The following RIMS2 variants were observed in gnomAD, a reference collection of about 807,000 sequenced individuals.
RIMS2 encodes regulating synaptic membrane exocytosis protein 2.
Under a neutral mutation model 174.4 loss-of-function variants are expected in RIMS2, and 59 were observed. The ratio of observed to expected loss-of-function variants is 0.34; its 90% CI spans 0.27 to 0.42. RIMS2 has a LOEUF of 0.42. Among genes scored for constraint, RIMS2 ranks in the 10% least tolerant of loss-of-function variants. The probability of loss-of-function intolerance (pLI) is 1.00; values close to 1 mark genes in which losing one functional copy is unlikely to be tolerated. For synonymous variants in RIMS2, 606 were observed against 572.5 expected, an observed-to-expected ratio of 1.06 and a Z score of -0.84; for missense variants, 1,620 against 1,666.3, an observed-to-expected ratio of 0.97 and a Z score of 0.48.
intron 12 of RIMS2, among the ~76,000 whole-genome samples, chr8:103,936,079 TATC>T (rs2081184444): frequency 6.6e-6 from 1 of 152,176 alleles, no homozygotes; most frequent in African/African-American, 2.4e-5. Flanking sequence ...AAAAATAAAT[TATC>T]ATTGGTCATT....
chr8:104,067,312 G>C (rs1362206491), intron 19 of RIMS2, among the ~76,000 whole-genome samples: 1 of 152,098 alleles, frequency 6.6e-6, no homozygotes, highest in African/African-American at 2.4e-5. Context: ...TTCCCAGTAT[G>C]TAGATTTGTA....
At position 103,937,055 on chromosome 8, in the gene RIMS2, G is replaced by A. The variant is rs573209606; in HGVS notation, c.2547+333G>A. On this transcript the variant is annotated intron_variant, in intron 13 of 23. Coordinates refer to ENST00000504942, the Ensembl canonical transcript of RIMS2. ...AGAGGTTGCAGTGAGCCGAGATCGCGCCACTGCACTCCAGTCTGGGTGACA... is the reference window on the plus strand; with the variant it reads ...AGAGGTTGCAGTGAGCCGAGATCGCACCACTGCACTCCAGTCTGGGTGACA... 6.9e-4 allele frequency among the ~76,000 whole-genome samples: 104 copies of A among 151,696 alleles called. 1 individual carries two copies. Among genetic ancestry groups the A allele is most frequent in the East Asian group, 2.1e-3 (11 of 5,146 alleles).
chr8:103,940,808 G>T (rs776113263), intron 13 of RIMS2, among the ~76,000 whole-genome samples: 1 of 151,550 alleles, frequency 6.6e-6, no homozygotes, highest in East Asian at 1.9e-4. Context: ...CCCGGGAGGC[G>T]GAGCTTGCAG....
chr8:103,801,743 C>T (rs1297479961), intron 3 of RIMS2, among the ~76,000 whole-genome samples: 1 of 152,076 alleles, frequency 6.6e-6, no homozygotes, highest in Admixed American at 6.6e-5. Context: ...CTTGTTTTGT[C>T]CTTCTTATTT....
At chr8:103,557,663 G>A (rs1312725054) in intron 1 of RIMS2, among the ~76,000 whole-genome samples, 1 of 152,060 alleles carries the variant, frequency 6.6e-6, no homozygotes, top group Non-Finnish European at 1.5e-5. Flanking sequence ...ATTTCCATAA[G>A]TAATGACTGT....
intron 3 of RIMS2, among the ~76,000 whole-genome samples, chr8:103,831,537 G>A (rs1273613607): frequency 6.6e-6 from 1 of 152,140 alleles, no homozygotes; most frequent in Non-Finnish European, 1.5e-5. Flanking sequence ...GGACACAGAG[G>A]AGCTCCAGAG....
chr8:103,945,761 A>G (rs1329387322), intron 14 of RIMS2, among the ~76,000 whole-genome samples: 3 of 152,086 alleles, frequency 2.0e-5, no homozygotes, highest in Admixed American at 6.6e-5. Flanking sequence ...AAAAAAAAAA[A>G]AAGTGAATGG....
intron 3 of RIMS2, among the ~76,000 whole-genome samples, chr8:103,810,545 T>C (rs1375311415): frequency 1.3e-5 from 2 of 152,062 alleles, no homozygotes; most frequent in African/African-American, 4.8e-5. Flanking sequence ...TTGTTATACC[T>C]TTATGTAGAT....
At chr8:103,601,930 A>G (rs1044913672) in intron 1 of RIMS2, among the ~76,000 whole-genome samples, 1 of 152,082 alleles carries the variant, frequency 6.6e-6, no homozygotes, top group Non-Finnish European at 1.5e-5. Flanking sequence ...ACAAAATCTA[A>G]TAAAAATTCT....
intron 2 of RIMS2, 150 bp downstream of exon 4, chr8:103,697,446 C>T (rs540633705): frequency 1.9e-5 from 13 of 691,474 alleles, no homozygotes; most frequent in Middle Eastern, 4.0e-4. Context: ...CGATGGCTCA[C>T]GCCTGTAATC....
chr8:103,955,074 C>T (rs1373316062), intron 14 of RIMS2, among the ~76,000 whole-genome samples: 1 of 152,058 alleles, frequency 6.6e-6, no homozygotes, highest in Non-Finnish European at 1.5e-5. Context: ...CTGAATAGAC[C>T]AATAACAAGT....
chr8:103,753,211 G>T lies in RIMS2; in HGVS notation c.388-13016G>T, dbSNP rs57120033. ...AGATAATCATGTGGTTTTTGTCTTT[G>T]GTTCTGTTTATATGCTGGATTACAT... is the stretch of plus-strand genomic sequence containing the variant. On this transcript the variant is annotated intron_variant, in intron 2 of 23. Transcript: ENST00000504942. Among the ~76,000 whole-genome samples, 1,049 of 152,144 alleles carry T rather than the reference G, an allele frequency of 6.9e-3. 7 individuals carry two copies. The highest frequency in any genetic ancestry group is 0.024 in the African/African-American group (988 of 41,472).
At chr8:103,511,531 G>T (rs889280694) in intron 1 of RIMS2, among the ~76,000 whole-genome samples, 1 of 152,022 alleles carries the variant, frequency 6.6e-6, no homozygotes, top group Non-Finnish European at 1.5e-5. Context: ...TTTTACCCTA[G>T]AGTCTGGTTT....
At chr8:103,717,138 CTTTTTTTTTTTT>C (rs11373218) in intron 2 of RIMS2, among the ~76,000 whole-genome samples, 2 of 113,106 alleles carry the variant, frequency 1.8e-5, no homozygotes, top group African/African-American at 6.6e-5. Context: ...ATAGTGCCTT[CTTTTTTTTTTTT>C]TTTTTTTTCT....
intron 19 of RIMS2, among the ~76,000 whole-genome samples, chr8:104,185,238 A>G (rs2098961938): frequency 6.6e-6 from 1 of 151,554 alleles, no homozygotes; most frequent in Non-Finnish European, 1.5e-5. Flanking sequence ...ATTTCATAGT[A>G]AACAAAAATG....
intron 19 of RIMS2, among the ~76,000 whole-genome samples, chr8:104,227,987 C>T (rs1230899527): frequency 1.3e-5 from 2 of 151,040 alleles, no homozygotes; most frequent in Non-Finnish European, 3.0e-5. Flanking sequence ...ATAAAAAGAC[C>T]TATTTAACTC....
intron 2 of RIMS2, among the ~76,000 whole-genome samples, chr8:103,755,928 C>A (rs901708108): frequency 6.6e-6 from 1 of 152,108 alleles, no homozygotes; most frequent in Admixed American, 6.6e-5. Context: ...CTACTTCTGT[C>A]AACTCATCAA....
intron 1 of RIMS2, among the ~76,000 whole-genome samples, chr8:103,513,951 C>T (rs1264165593): frequency 1.3e-5 from 2 of 152,124 alleles, no homozygotes; most frequent in Non-Finnish European, 2.9e-5. Context: ...CCAGAAAGAG[C>T]GTTACACATA....
In RIMS2 at chr8:104,044,151, T is replaced by C. The variant is rs746208309; in HGVS notation, c.3334+29536T>C. Reference sequence around the variant, plus strand: ...ACGAAAGGAAATGAACGTTCTCTGATGAAGCTGAGGGATATATTGTATTTA... The same window carrying C: ...ACGAAAGGAAATGAACGTTCTCTGACGAAGCTGAGGGATATATTGTATTTA... On this transcript the variant is annotated intron_variant, in intron 19 of 23. Coordinates refer to ENST00000504942, the Ensembl canonical transcript of RIMS2. Among the ~76,000 whole-genome samples the C allele has an allele frequency of 4.5e-4, 68 of 151,722 alleles. 1 individual carries two copies. The highest frequency in any genetic ancestry group is 4.9e-4 in the Non-Finnish European group (33 of 67,654).
Sources: allele counts gnomAD v4.1 joint callset (sites outside exome capture counted in the v4.1 genomes callset), GRCh38; gene constraint gnomAD v4.1.1; transcripts MANE v1.5; gene names NCBI Gene and HGNC (gene_info 2026-07-23, HGNC 2026-07-21).